The following ANKRD30B variants were observed in gnomAD, a reference collection of about 807,000 sequenced individuals.
The protein encoded by ANKRD30B is ankyrin repeat domain-containing protein 30B.
In ANKRD30B, 144 loss-of-function variants were observed where a neutral mutation model predicts 202.2. The observed-to-expected ratio is 0.71, with a 90% confidence interval of 0.62 to 0.82. The LOEUF (loss-of-function observed/expected upper bound fraction) is 0.82. Ranked by LOEUF, ANKRD30B falls within the 40% of genes least tolerant of loss-of-function variation. ANKRD30B has a pLI of 0.00. For missense variants in ANKRD30B, 1,487 were observed against 1,669.1 expected, an observed-to-expected ratio of 0.89 and a Z score of 1.90; for synonymous variants, 508 against 561.3, an observed-to-expected ratio of 0.91 and a Z score of 1.34.
At chr18:14,750,388 G>A (rs1913235684) in intron 1 of ANKRD30B, among the ~76,000 whole-genome samples, 3 of 152,118 alleles carry the variant, frequency 2.0e-5, no homozygotes, top group Non-Finnish European at 4.4e-5. Context: ...CAATATTAGT[G>A]TTCCTGGTTA....
At chr18:14,920,141 T>C in the ANKRD30B span, among the ~76,000 whole-genome samples, 1 of 152,256 alleles carries the variant, frequency 6.6e-6, no homozygotes, top group African/African-American at 2.4e-5. Context: ...GAGTACAGGC[T>C]GACCATGTTG....
At chr18:14,878,372 GGCAC>G in the ANKRD30B span, among the ~76,000 whole-genome samples, 1 of 123,726 alleles carries the variant, frequency 8.1e-6, no homozygotes, top group East Asian at 3.0e-4. Context: ...TGCAAAAAAA[GGCAC>G]CTACCCCATT....
chr18:14,784,624 T>A, intron 14 of ANKRD30B, 89 bp downstream of exon 14: 2 of 1,397,100 alleles, frequency 1.4e-6, no homozygotes, highest in Non-Finnish European at 1.9e-6. Flanking sequence ...TTATTTCTTT[T>A]AACTTTGATG....
At chr18:14,760,415 C>G in intron 5 of ANKRD30B, 139 bp from the exon 6 acceptor site, 1 of 535,052 alleles carries the variant, frequency 1.9e-6, no homozygotes, top group Non-Finnish European at 3.3e-6. Context: ...AGCTTACAAA[C>G]TTAAAGTCTG....
At chr18:14,913,121 T>C in the ANKRD30B span, among the ~76,000 whole-genome samples, 1 of 152,244 alleles carries the variant, frequency 6.6e-6, no homozygotes, top group African/African-American at 2.4e-5. Context: ...GAGGCCAGAT[T>C]TCCTGCACAT....
the ANKRD30B span, among the ~76,000 whole-genome samples, chr18:14,934,984 A>C: frequency 2.1e-4 from 31 of 150,728 alleles, no homozygotes; most frequent in African/African-American, 7.6e-4. Context: ...GATGCCCTGC[A>C]CCCTCCCAGG....
At chr18:14,929,271 C>T in the ANKRD30B span, among the ~76,000 whole-genome samples, 18 of 152,332 alleles carry the variant, frequency 1.2e-4, no homozygotes, top group East Asian at 3.1e-3. Flanking sequence ...CAACTCACCC[C>T]TGAAGATGAG....
rs192253564 is a variant in ANKRD30B, at chr18:14,841,828, C to T, written c.3080-1069C>T. Among the ~76,000 whole-genome samples, 917 of 152,184 alleles carry T rather than the reference C, an allele frequency of 6.0e-3. 4 individuals are homozygous for T. The highest frequency in any genetic ancestry group is 0.024 in the Middle Eastern group (7 of 294). ...TGGGTACTCCAGAGACTACCGGAAG[C>T]GGGAGGATTACTAGAATTGGAGTAA... On this transcript the variant is annotated intron_variant, in intron 37 of 43. Transcript: ENST00000690538.
chr18:14,896,455 TC>T, the ANKRD30B span, among the ~76,000 whole-genome samples: 2 of 151,854 alleles, frequency 1.3e-5, no homozygotes, highest in African/African-American at 4.8e-5. Context: ...TTTTTTTAAA[TC>T]TAAAAATGTT....
At chr18:14,762,001 A>G (rs1441528198) in intron 6 of ANKRD30B, among the ~76,000 whole-genome samples, 1 of 152,200 alleles carries the variant, frequency 6.6e-6, no homozygotes, top group East Asian at 1.9e-4. Flanking sequence ...TTAAACACAT[A>G]GTTTCTATTT....
At chr18:14,882,872 C>G in the ANKRD30B span, among the ~76,000 whole-genome samples, 5 of 152,300 alleles carry the variant, frequency 3.3e-5, no homozygotes, top group South Asian at 1.0e-3. Context: ...GTCTTTGTCT[C>G]TTTTAGCTAC....
the ANKRD30B span, among the ~76,000 whole-genome samples, chr18:14,940,730 G>C: frequency 6.6e-6 from 1 of 152,192 alleles, no homozygotes. Context: ...TCCCTTTTCT[G>C]TTGTGGGGCA....
At chr18:14,904,220 C>T in the ANKRD30B span, among the ~76,000 whole-genome samples, 2 of 152,156 alleles carry the variant, frequency 1.3e-5, no homozygotes, top group Non-Finnish European at 1.5e-5. Flanking sequence ...CATAATTATC[C>T]CAGCTGGATA....
At chr18:14,937,878 G>A in the ANKRD30B span, among the ~76,000 whole-genome samples, 3 of 152,170 alleles carry the variant, frequency 2.0e-5, no homozygotes, top group African/African-American at 7.2e-5. Context: ...AAAGGCCCCT[G>A]GCGTCTCTGG....
At chr18:14,905,237 A>C in the ANKRD30B span, among the ~76,000 whole-genome samples, 1 of 152,228 alleles carries the variant, frequency 6.6e-6, no homozygotes, top group African/African-American at 2.4e-5. Flanking sequence ...CCTGCCTATG[A>C]TGTAGCTATT....
In ANKRD30B at chr18:14,778,034, C is replaced by A; in HGVS notation, c.1379C>A (p.Thr460Lys). The change falls in exon 10 of 44, where the codon ACA becomes AAA. Residue 460 changes from threonine to lysine, a missense_variant. Physicochemically the swap from Thr to Lys is moderately conservative, Grantham distance 78. This residue lies in a region of ANKRD30B where 889 missense variants were observed against 841.4 expected (regional missense o/e 1.06). Transcript: ENST00000690538. ...AATTATACGTGTTTACCTGATGCTA[C>A]ATATCAAAAAGATATCAAAACAATA... is the stretch of plus-strand genomic sequence containing the variant. ...AQNYTCLPDA[T>K]YQKDIKTINH... The A allele has an allele frequency of 6.5e-7, 1 of 1,549,084 alleles. No homozygotes were observed. Among genetic ancestry groups the A allele is most frequent in the Non-Finnish European group, 8.7e-7 (1 of 1,145,024 alleles).
intron 30 of ANKRD30B, among the ~76,000 whole-genome samples, chr18:14,821,157 G>C (rs960448914): frequency 1.4e-4 from 21 of 152,278 alleles, no homozygotes; most frequent in African/African-American, 5.1e-4. Flanking sequence ...GCGTAGAGGT[G>C]TTTGTAGTAT....
At chr18:14,903,995 G>T in the ANKRD30B span, among the ~76,000 whole-genome samples, 41 of 152,188 alleles carry the variant, frequency 2.7e-4, no homozygotes, top group African/African-American at 9.6e-4. Context: ...TATAAAGAAG[G>T]GCTGTCCAAT....
At chr18:14,840,928 G>A (rs1246388424) in intron 37 of ANKRD30B, among the ~76,000 whole-genome samples, 1 of 152,210 alleles carries the variant, frequency 6.6e-6, no homozygotes, top group Non-Finnish European at 1.5e-5. Context: ...AACAGGGAAT[G>A]AAGACTGAGG....
Sources: allele counts gnomAD v4.1 joint callset (sites outside exome capture counted in the v4.1 genomes callset), GRCh38; gene constraint gnomAD v4.1.1; regional missense constraint gnomAD v4.1.1; transcripts MANE v1.5; gene names NCBI Gene and HGNC (gene_info 2026-07-23, HGNC 2026-07-21).